The following PTPRN2 variants were observed in gnomAD, a reference collection of about 807,000 sequenced individuals.
PTPRN2 encodes receptor-type tyrosine-protein phosphatase N2.
In PTPRN2, 74 loss-of-function variants were observed where a neutral mutation model predicts 118.8. The ratio of observed to expected loss-of-function variants is 0.62; its 90% CI spans 0.52 to 0.76. The LOEUF (loss-of-function observed/expected upper bound fraction) is 0.76. PTPRN2 is among the 30% of genes least tolerant of loss of function. PTPRN2 has a pLI of 0.00. For missense variants in PTPRN2, 1,481 were observed against 1,394.4 expected (o/e 1.06, Z -0.99); for synonymous variants, 641 against 608.0 (o/e 1.05, Z -0.80).
rs534798476 is a variant in PTPRN2 at position 157,712,521 on chromosome 7, C to T, written c.1789-29584G>A. On this transcript the variant is annotated intron_variant, in intron 12 of 22. Coordinates refer to ENST00000389418, the MANE Select transcript of PTPRN2 (RefSeq NM_002847.5). ...ATCCCAGCACTTTGGGAGGCTGAGG[C>T]GGGCGGATCACCTGAGGTCAGGAGT... Among the ~76,000 whole-genome samples the T allele has an allele frequency of 3.3e-4, 50 of 152,044 alleles. 1 individual carries two copies. Among genetic ancestry groups the T allele is most frequent in the Admixed American group, 7.9e-4 (12 of 15,282 alleles).
chr7:157,925,400 CTCCAGAATCT>C (rs1798921696), intron 11 of PTPRN2, among the ~76,000 whole-genome samples: 1 of 152,246 alleles, frequency 6.6e-6, no homozygotes, highest in African/African-American at 2.4e-5. Context: ...GTTAAATCCC[CTCCAGAATCT>C]TCCAGAATCC....
chr7:158,205,131 G>T (rs781362656), intron 4 of PTPRN2, 40 bp downstream of exon 4: 2 of 1,475,952 alleles, frequency 1.4e-6, no homozygotes, highest in Non-Finnish European at 9.5e-7. Context: ...TATGGACTGT[G>T]TCCTGGGAGC....
chr7:158,365,618 C>A (rs113326007), intron 2 of PTPRN2, among the ~76,000 whole-genome samples: 3 of 150,408 alleles, frequency 2.0e-5, no homozygotes, highest in African/African-American at 4.9e-5. Context: ...GCACACACAC[C>A]CACAGCATCC....
chr7:157,814,568 C>T (rs1322412303), intron 12 of PTPRN2, among the ~76,000 whole-genome samples: 3 of 24,214 alleles, frequency 1.2e-4, no homozygotes, highest in South Asian at 1.2e-3. Context: ...GGAGGAGAGA[C>T]GGGGGGCAGG....
At chr7:157,793,074 A>G (rs1804621900) in intron 12 of PTPRN2, among the ~76,000 whole-genome samples, 1 of 152,054 alleles carries the variant, frequency 6.6e-6, no homozygotes, top group South Asian at 2.1e-4. Flanking sequence ...ACCCCTCTAC[A>G]ATGCGCTGTG....
At chr7:158,541,845 A>C (rs1430600995) in intron 1 of PTPRN2, 1 of 601,316 alleles carries the variant, frequency 1.7e-6, no homozygotes, top group Non-Finnish European at 2.1e-6. Flanking sequence ...ACGCATGCGC[A>C]TCACACCTGC....
intron 14 of PTPRN2, among the ~76,000 whole-genome samples, chr7:157,643,445 C>T (rs1438950043): frequency 6.6e-6 from 1 of 152,252 alleles, no homozygotes; most frequent in East Asian, 1.9e-4. Flanking sequence ...AAGGGACACT[C>T]TCTGCCTGTG....
intron 12 of PTPRN2, among the ~76,000 whole-genome samples, chr7:157,753,285 C>T (rs951360533): frequency 6.6e-6 from 1 of 152,234 alleles, no homozygotes; most frequent in South Asian, 2.1e-4. Context: ...CTGGCCGATG[C>T]CCACTGGACC....
intron 12 of PTPRN2, among the ~76,000 whole-genome samples, chr7:157,703,679 C>T (rs1035500064): frequency 2.6e-5 from 4 of 152,134 alleles, no homozygotes; most frequent in Admixed American, 1.3e-4. Context: ...GGCAAGTTCC[C>T]GGCCAGCCTG....
At chr7:158,457,456 G>A (rs557031248) in intron 2 of PTPRN2, among the ~76,000 whole-genome samples, 29 of 152,084 alleles carry the variant, frequency 1.9e-4, no homozygotes, top group South Asian at 8.3e-4. Flanking sequence ...GGACCACAGC[G>A]GATGCGCGGC....
intron 13 of PTPRN2, among the ~76,000 whole-genome samples, chr7:157,656,765 T>G (rs1473705410): frequency 6.6e-6 from 1 of 152,002 alleles, no homozygotes; most frequent in Non-Finnish European, 1.5e-5. Flanking sequence ...GACTTCAGGC[T>G]TGTGCAGGAA....
intron 1 of PTPRN2, among the ~76,000 whole-genome samples, chr7:158,527,030 G>A (rs1824829764): frequency 6.6e-6 from 1 of 152,160 alleles, no homozygotes; most frequent in African/African-American, 2.4e-5. Flanking sequence ...TATGGTTTGT[G>A]ACAAATATCA....
At chr7:157,709,769 A>G (rs938495802) in intron 12 of PTPRN2, among the ~76,000 whole-genome samples, 8 of 152,182 alleles carry the variant, frequency 5.3e-5, no homozygotes, top group Admixed American at 2.0e-4. Flanking sequence ...AGCCCGGCCC[A>G]TCCACGGATG....
intron 9 of PTPRN2, among the ~76,000 whole-genome samples, chr7:158,121,756 A>T (rs1479575104): frequency 6.6e-6 from 1 of 152,196 alleles, no homozygotes; most frequent in Non-Finnish European, 1.5e-5. Flanking sequence ...CCACAAGCCA[A>T]GGTGTCCCCA....
At chr7:157,650,973 G>A (rs1457338519) in intron 14 of PTPRN2, among the ~76,000 whole-genome samples, 1 of 152,250 alleles carries the variant, frequency 6.6e-6, no homozygotes, top group African/African-American at 2.4e-5. Context: ...AGGCAGGCAG[G>A]AGGGCCGAAG....
intron 3 of PTPRN2, among the ~76,000 whole-genome samples, chr7:158,272,904 G>A (rs1586077779): frequency 6.6e-6 from 1 of 152,198 alleles, no homozygotes; most frequent in Non-Finnish European, 1.5e-5. Context: ...GCTTGGCTGT[G>A]TTGCCCCCCA....
intron 11 of PTPRN2, among the ~76,000 whole-genome samples, chr7:157,973,092 G>A (rs1191592289): frequency 6.6e-6 from 1 of 152,234 alleles, no homozygotes; most frequent in East Asian, 1.9e-4. Context: ...GAAGCCAGGG[G>A]TGACATAAGC....
chr7:157,823,691 C>T (rs934907683), intron 12 of PTPRN2, among the ~76,000 whole-genome samples: 21 of 152,174 alleles, frequency 1.4e-4, no homozygotes, highest in Admixed American at 1.4e-3. Flanking sequence ...GTGAAGTTTT[C>T]AGATTTTCTC....
chr7:158,335,997 G>A (rs1586340099), intron 2 of PTPRN2, among the ~76,000 whole-genome samples: 1 of 7,088 alleles, frequency 1.4e-4, no homozygotes, highest in Non-Finnish European at 2.8e-4. Context: ...GACACCTGCA[G>A]ACGTCACTCA....
Sources: allele counts gnomAD v4.1 joint callset (sites outside exome capture counted in the v4.1 genomes callset), GRCh38; gene constraint gnomAD v4.1.1; transcripts MANE v1.5; gene names NCBI Gene and HGNC (gene_info 2026-07-23, HGNC 2026-07-21).